LYPLAL1: variants seen among roughly 807,000 people sequenced by gnomAD.
The protein encoded by LYPLAL1 is lysophospholipase like 1, also known as lysophospholipase-like protein 1.
In LYPLAL1, 23 loss-of-function variants were observed where a neutral mutation model predicts 19.7. The observed-to-expected ratio is 1.17, with a 90% CI of 0.84 to 1.65. The LOEUF (loss-of-function observed/expected upper bound fraction) is 1.65, where lower values mean the gene tolerates loss of function less well. Ranked by LOEUF, LYPLAL1 falls within the 40% of genes most tolerant of loss-of-function variation. LYPLAL1 has a pLI of 0.00. For missense variants in LYPLAL1, 355 were observed against 279.4 expected, an observed-to-expected ratio of 1.27 and a Z score of -1.93; for synonymous variants, 119 against 96.3, an observed-to-expected ratio of 1.24 and a Z score of -1.38.
At chr1:219,386,253 C>G in the LYPLAL1 span, among the ~76,000 whole-genome samples, 1 of 152,122 alleles carries the variant, frequency 6.6e-6, no homozygotes, top group African/African-American at 2.4e-5. Context: ...TTGGGTAGAA[C>G]CAGTAAACAA....
chr1:219,312,746 C>T, the LYPLAL1 span, among the ~76,000 whole-genome samples: 1 of 152,268 alleles, frequency 6.6e-6, no homozygotes, highest in South Asian at 2.1e-4. Flanking sequence ...CATATGACTT[C>T]AGGTGGTATT....
chr1:219,219,833 A>G, the LYPLAL1 span, among the ~76,000 whole-genome samples: 3 of 152,282 alleles, frequency 2.0e-5, no homozygotes, highest in South Asian at 4.1e-4. Flanking sequence ...GTAAAGGAGA[A>G]TAGTGATAAA....
chr1:219,202,474 CAA>C (rs979544168), intron 3 of LYPLAL1, among the ~76,000 whole-genome samples: 2 of 152,106 alleles, frequency 1.3e-5, no homozygotes, highest in Admixed American at 6.5e-5. Context: ...ATTATTTAAA[CAA>C]GAGTTACTGT....
the LYPLAL1 span, among the ~76,000 whole-genome samples, chr1:219,254,398 T>A: frequency 2.6e-5 from 4 of 152,114 alleles, no homozygotes; most frequent in East Asian, 7.7e-4. Flanking sequence ...TTTAAGTGTG[T>A]TTTTGTATTA....
intron 2 of LYPLAL1, among the ~76,000 whole-genome samples, chr1:219,189,068 A>G (rs1656944109): frequency 6.6e-6 from 1 of 151,744 alleles, no homozygotes; most frequent in Admixed American, 6.6e-5. Flanking sequence ...TAGCTACCAC[A>G]TTAGTAACAT....
the LYPLAL1 span, among the ~76,000 whole-genome samples, chr1:219,349,611 A>G: frequency 2.0e-5 from 3 of 152,150 alleles, no homozygotes; most frequent in Non-Finnish European, 4.4e-5. Context: ...ATGTGTACTC[A>G]TGTGCATATG....
chr1:219,179,068 A>C, intron 1 of LYPLAL1, 79 bp from the exon 2 acceptor site: 1 of 890,176 alleles, frequency 1.1e-6, no homozygotes, highest in African/African-American at 1.7e-5. Context: ...CCTCTGTGTG[A>C]CATAAAAGTT....
chr1:219,191,696 TG>T (rs1488300040), intron 2 of LYPLAL1, among the ~76,000 whole-genome samples: 1 of 151,254 alleles, frequency 6.6e-6, no homozygotes, highest in African/African-American at 2.4e-5. Flanking sequence ...GGGTAAAAAA[TG>T]AATAAGATTG....
At chr1:219,348,042 G>T in the LYPLAL1 span, among the ~76,000 whole-genome samples, 2 of 152,204 alleles carry the variant, frequency 1.3e-5, no homozygotes, top group African/African-American at 4.8e-5. Flanking sequence ...AGACTTTGTA[G>T]CAAATATGTG....
chr1:219,336,452 C>A, the LYPLAL1 span, among the ~76,000 whole-genome samples: 9 of 151,822 alleles, frequency 5.9e-5, no homozygotes, highest in African/African-American at 1.7e-4. Flanking sequence ...ATACTTAAGA[C>A]AGTACCTGGG....
At chr1:219,218,609 CACTT>C in the LYPLAL1 span, among the ~76,000 whole-genome samples, 1 of 151,958 alleles carries the variant, frequency 6.6e-6, no homozygotes, top group East Asian at 1.9e-4. Flanking sequence ...AAATTGGACA[CACTT>C]GATGTAAACA....
chr1:219,244,372 T>C, the LYPLAL1 span, among the ~76,000 whole-genome samples: 1 of 152,174 alleles, frequency 6.6e-6, no homozygotes, highest in East Asian at 1.9e-4. Context: ...GGTAGAACTG[T>C]GTAACACTCA....
At chr1:219,351,502 T>C in the LYPLAL1 span, among the ~76,000 whole-genome samples, 1 of 152,150 alleles carries the variant, frequency 6.6e-6, no homozygotes, top group African/African-American at 2.4e-5. Context: ...AGGGTCTATG[T>C]CATGAATGCC....
chr1:219,177,702 A>G (rs763213402), intron 1 of LYPLAL1, among the ~76,000 whole-genome samples: 8 of 152,198 alleles, frequency 5.3e-5, no homozygotes, highest in East Asian at 1.9e-4. Flanking sequence ...ATCTGTTTCT[A>G]TCTACATCAT....
At chr1:219,377,138 A>T in the LYPLAL1 span, among the ~76,000 whole-genome samples, 355 of 152,344 alleles carry the variant, frequency 2.3e-3, 2 homozygotes, top group African/African-American at 7.3e-3. Context: ...ATATAATATG[A>T]TATTATTCAG....
chr1:219,241,098 ATCTCTC>A, the LYPLAL1 span, among the ~76,000 whole-genome samples: 58 of 59,220 alleles, frequency 9.8e-4, no homozygotes, highest in African/African-American at 3.2e-3. Context: ...AATATATATA[ATCTCTC>A]TCTCTCTCTC....
In LYPLAL1 at chr1:219,212,493, CAT is replaced by C. The variant is rs1659119211; in HGVS notation, c.*766_*767del. On this transcript the variant is annotated 3_prime_UTR_variant, in exon 5 of 5. Coordinates refer to ENST00000366928, the MANE Select transcript of LYPLAL1 (RefSeq NM_138794.5). ...GAGTCATGATCTGGTTCCAGGAATA[CAT>C]TGTTAGATGACTGAAAAATTGTATT... 6.6e-6 allele frequency: 1 copy of C among 151,888 alleles called. No individual in the cohort carries two copies. The allele number at this position is 151,888 out of a possible 1,614,324, so 9.4% of individuals were successfully genotyped here.
At chr1:219,369,517 C>T in the LYPLAL1 span, among the ~76,000 whole-genome samples, 1 of 152,216 alleles carries the variant, frequency 6.6e-6, no homozygotes, top group Non-Finnish European at 1.5e-5. Context: ...TGTAATCCGC[C>T]TGCCTTAGCG....
At chr1:219,355,526 C>T in the LYPLAL1 span, among the ~76,000 whole-genome samples, 1 of 151,944 alleles carries the variant, frequency 6.6e-6, no homozygotes, top group South Asian at 2.1e-4. Context: ...CAAATCAAGA[C>T]CTGGCTAACT....
Sources: gnomAD v4.1 joint callset for allele counts (sites outside exome capture counted in the v4.1 genomes callset) on GRCh38, gnomAD v4.1.1 for gene constraint, MANE v1.5 for transcripts, NCBI Gene and HGNC (gene_info 2026-07-23, HGNC 2026-07-21) for gene names.